Variants in USP32 observed in about 807,000 individuals in gnomAD.
USP32 encodes ubiquitin carboxyl-terminal hydrolase 32.
USP32 carries 59 observed loss-of-function variants against 204.8 expected under a neutral mutation model. That is an observed-to-expected ratio of 0.29 (90% CI 0.23 to 0.36). The LOEUF (loss-of-function observed/expected upper bound fraction) is 0.36. USP32 is among the 10% of genes least tolerant of loss of function. USP32 has a pLI of 1.00. For synonymous variants in USP32, 517 were observed against 678.4 expected (o/e 0.76, Z 3.70); for missense variants, 1,160 against 1,946.4 (o/e 0.60, Z 7.60).
At chr17:60,297,753 G>A (rs958551131) in intron 3 of USP32, among the ~76,000 whole-genome samples, 2 of 152,072 alleles carry the variant, frequency 1.3e-5, no homozygotes, top group Non-Finnish European at 2.9e-5. Flanking sequence ...AAAATATCAT[G>A]GCATGAGCCA....
At chr17:60,297,270 G>A (rs929742955) in intron 3 of USP32, among the ~76,000 whole-genome samples, 2 of 151,948 alleles carry the variant, frequency 1.3e-5, no homozygotes, top group Admixed American at 6.6e-5. Flanking sequence ...ATTGTGGTAC[G>A]TGCCTCTAGT....
chr17:60,191,312 G>A (rs1341519665), intron 28 of USP32, among the ~76,000 whole-genome samples: 1 of 146,058 alleles, frequency 6.8e-6, no homozygotes, highest in Non-Finnish European at 1.5e-5. Flanking sequence ...TGAGGTGGGA[G>A]AATTGCTTGA....
intron 1 of USP32, among the ~76,000 whole-genome samples, chr17:60,413,718 A>G (rs564328855): frequency 2.0e-4 from 31 of 152,118 alleles, no homozygotes; most frequent in Admixed American, 1.7e-3. Flanking sequence ...TACAAAAATC[A>G]GCTGGGCATG....
chr17:60,369,393 C>T (rs1313787941), intron 1 of USP32, among the ~76,000 whole-genome samples: 1 of 133,892 alleles, frequency 7.5e-6, no homozygotes, highest in Admixed American at 8.2e-5. Context: ...AAGTTCAAGA[C>T]ACCCTAAGCA....
At chr17:60,229,960 C>G (rs7211536) in intron 12 of USP32, among the ~76,000 whole-genome samples, 1 of 151,996 alleles carries the variant, frequency 6.6e-6, no homozygotes, top group Non-Finnish European at 1.5e-5. Flanking sequence ...ATTACAGGCA[C>G]GCACCACTGC....
intron 33 of USP32, among the ~76,000 whole-genome samples, chr17:60,179,657 A>C (rs1420738366): frequency 3.3e-5 from 5 of 151,984 alleles, no homozygotes; most frequent in Admixed American, 6.5e-5. Context: ...GAATGACCTA[A>C]AACCTCATCA....
At chr17:60,183,549 G>A in intron 30 of USP32, 96 bp from the exon 31 acceptor site, 2 of 1,440,222 alleles carry the variant, frequency 1.4e-6, no homozygotes, top group South Asian at 2.8e-5. Flanking sequence ...GAATGTTTGG[G>A]AATATATAAC....
intron 1 of USP32, among the ~76,000 whole-genome samples, chr17:60,382,106 G>A (rs955120292): frequency 6.6e-6 from 1 of 152,178 alleles, no homozygotes; most frequent in Non-Finnish European, 1.5e-5. Flanking sequence ...TATTTCCAGA[G>A]GCTGGCATAG....
intron 6 of USP32, among the ~76,000 whole-genome samples, chr17:60,270,384 A>T (rs1317852828): frequency 6.6e-6 from 1 of 152,238 alleles, no homozygotes; most frequent in African/African-American, 2.4e-5. Flanking sequence ...TTTAGGGATT[A>T]GAAAACTAAA....
intron 31 of USP32, 106 bp from the exon 32 acceptor site, chr17:60,181,854 A>G (rs993983362): frequency 1.3e-4 from 197 of 1,491,568 alleles, no homozygotes; most frequent in Non-Finnish European, 1.6e-4. Flanking sequence ...ACACAAAGGT[A>G]AAGACAGGGC....
chr17:60,187,208 G>A (rs1197063333), intron 29 of USP32, among the ~76,000 whole-genome samples: 2 of 152,150 alleles, frequency 1.3e-5, no homozygotes, highest in African/African-American at 4.8e-5. Context: ...TGAGAGTCAC[G>A]AGGCTCTCAA....
intron 2 of USP32, among the ~76,000 whole-genome samples, chr17:60,312,183 G>A (rs1172361662): frequency 6.6e-6 from 1 of 152,148 alleles, no homozygotes; most frequent in Non-Finnish European, 1.5e-5. Flanking sequence ...GCCCCTGGGT[G>A]GGAAATACTA....
At chr17:60,304,333 A>C (rs1288197909) in intron 2 of USP32, among the ~76,000 whole-genome samples, 1 of 152,016 alleles carries the variant, frequency 6.6e-6, no homozygotes, top group Non-Finnish European at 1.5e-5. Context: ...TTCAAAAAGA[A>C]AAGATATTTT....
intron 1 of USP32, among the ~76,000 whole-genome samples, chr17:60,365,436 A>C (rs1051396869): frequency 5.3e-5 from 8 of 152,152 alleles, no homozygotes; most frequent in Non-Finnish European, 1.2e-4. Flanking sequence ...AGCCAAGATC[A>C]GGCCACTTGC....
At chr17:60,369,075 A>G (rs575735207) in intron 1 of USP32, among the ~76,000 whole-genome samples, 3,009 of 137,008 alleles carry the variant, frequency 0.022, 63 homozygotes, top group Middle Eastern at 0.032. Context: ...GCTCACTGCA[A>G]GCTCCGCCTC....
intron 2 of USP32, among the ~76,000 whole-genome samples, chr17:60,343,622 T>C (rs2088712347): frequency 1.3e-5 from 2 of 152,208 alleles, no homozygotes; most frequent in Admixed American, 1.3e-4. Flanking sequence ...AGACACAACA[T>C]ACCAGAATCT....
chr17:60,282,323 T>C (rs554238268), intron 5 of USP32, among the ~76,000 whole-genome samples: 1 of 152,314 alleles, frequency 6.6e-6, no homozygotes, highest in South Asian at 2.1e-4. Context: ...AGTGTGTAAG[T>C]ATCATAATTC....
chr17:60,406,395 T>A (rs561834236), intron 1 of USP32, among the ~76,000 whole-genome samples: 3 of 151,970 alleles, frequency 2.0e-5, no homozygotes, highest in African/African-American at 7.2e-5. Flanking sequence ...CTCAAGCTGG[T>A]CTCAAACTCC....
At chr17:60,312,490 A>T (rs2087877140) in intron 2 of USP32, among the ~76,000 whole-genome samples, 1 of 151,636 alleles carries the variant, frequency 6.6e-6, no homozygotes, top group Admixed American at 6.6e-5. Context: ...CAGTGGCATA[A>T]CCACAGCTCA....
Sources: allele counts gnomAD v4.1 joint callset (sites outside exome capture counted in the v4.1 genomes callset), GRCh38; gene constraint gnomAD v4.1.1; transcripts MANE v1.5; gene names NCBI Gene and HGNC (gene_info 2026-07-23, HGNC 2026-07-21).